PKD1L3: variants seen among roughly 807,000 people sequenced by gnomAD.
The protein encoded by PKD1L3 is polycystin 1 like 3, transient receptor potential channel interacting.
In PKD1L3, 239 loss-of-function variants were observed where a neutral mutation model predicts 184.1. That is an observed-to-expected ratio of 1.30 (90% confidence interval 1.17 to 1.45). The LOEUF (loss-of-function observed/expected upper bound fraction) is 1.45. PKD1L3 is among the 40% of genes most tolerant of loss of function. The probability of loss-of-function intolerance (pLI) is 0.00; values close to 1 mark genes in which losing one functional copy is unlikely to be tolerated. For synonymous variants in PKD1L3, 996 were observed against 778.8 expected, an observed-to-expected ratio of 1.28 and a Z score of -4.64; for missense variants, 2,660 against 2,067.2, an observed-to-expected ratio of 1.29 and a Z score of -5.56.
chr16:71,990,037 C>T (rs552229843), intron 4 of PKD1L3, among the ~76,000 whole-genome samples: 1 of 150,528 alleles, frequency 6.6e-6, no homozygotes, highest in African/African-American at 2.4e-5. Flanking sequence ...ATGGATGGCA[C>T]CATTGCACTC....
chr16:71,999,742 C>T lies in PKD1L3; in HGVS notation c.237G>A (p.Lys79=). The T allele has an allele frequency of 6.4e-7, 1 of 1,551,656 alleles. No individual in the cohort carries two copies. The highest frequency in any genetic ancestry group is 8.7e-7 in the Non-Finnish European group (1 of 1,146,928). ...GCATTACATTTTGCCCAATCCACCACTTCTTTCCTTCTTCCAGATAGTCCC... is the reference window on the plus strand; with the variant it reads ...GCATTACATTTTGCCCAATCCACCATTTCTTTCCTTCTTCCAGATAGTCCC... The part of the protein sequence containing the change: ...LIRDYLEEGK[K]WWIGQNVMPL... The change falls in exon 1 of 30, where the codon AAG becomes AAA. Residue 79 remains lysine, a synonymous_variant. Coordinates refer to ENST00000620267, the MANE Select transcript of PKD1L3 (RefSeq NM_181536.2).
chr16:71,989,447 C>T (rs1328187451), intron 4 of PKD1L3, among the ~76,000 whole-genome samples: 1 of 152,264 alleles, frequency 6.6e-6, no homozygotes, highest in East Asian at 1.9e-4. Context: ...GCCACCGTGC[C>T]CAGCCTCTGT....
intron 4 of PKD1L3, among the ~76,000 whole-genome samples, chr16:71,988,897 TAAC>T (rs1307264577): frequency 6.6e-6 from 1 of 152,212 alleles, no homozygotes; most frequent in South Asian, 2.1e-4. Flanking sequence ...AGCGTTATCT[TAAC>T]AAGTCCTGTG....
At chr16:71,947,619 G>C in intron 21 of PKD1L3, 28 bp from the exon 22 acceptor site, 2 of 1,421,472 alleles carry the variant, frequency 1.4e-6, no homozygotes. Context: ...AGAACATCGT[G>C]AGCAGACATT....
rs577714414 is a variant in PKD1L3 at position 71,983,913 on chromosome 16, T to C, written c.966+123A>G. 15 of 1,320,848 alleles carry C rather than the reference T, an allele frequency of 1.1e-5. No homozygotes were observed. The East Asian group carries it at 3.6e-4, about 31-fold the overall frequency. The allele number at this position is 1,320,848 out of a possible 1,614,324, so 81.8% of individuals were successfully genotyped here. On this transcript the variant is annotated intron_variant, in intron 6 of 29. Coordinates refer to ENST00000620267, the MANE Select transcript of PKD1L3 (RefSeq NM_181536.2). ...CCTGGCCTCATGTGATCCGCCCGCC[T>C]CGGCCTTCTAAAGTGCTGGGATTAC...
intron 16 of PKD1L3, among the ~76,000 whole-genome samples, chr16:71,959,136 G>A (rs2039171260): frequency 6.6e-6 from 1 of 151,062 alleles, no homozygotes; most frequent in Non-Finnish European, 1.5e-5. Context: ...ACTAGGCTGG[G>A]CACGGTGGCC....
chr16:71,993,185 T>A, intron 3 of PKD1L3, 31 bp downstream of exon 3: 2 of 1,428,558 alleles, frequency 1.4e-6, no homozygotes, highest in Non-Finnish European at 1.9e-6. Context: ...TTCCACGGAT[T>A]TTTAAGGTTA....
In PKD1L3 at chr16:71,942,626, G is replaced by T. The variant is rs924740296; in HGVS notation, c.4258C>A (p.Pro1420Thr). The change falls in exon 24 of 30, where the codon CCC becomes ACC. Residue 1420 changes from proline to threonine, a missense_variant. Physicochemically the swap from Pro to Thr is conservative, Grantham distance 38. Coordinates refer to ENST00000620267, the MANE Select transcript of PKD1L3 (RefSeq NM_181536.2). ...ICSPRPMVLI[P>T]TDELHERLTS... The stretch of plus-strand genomic sequence containing the variant: ...AGCCTTTCGTGAAGCTCATCAGTGG[G>T]AATCAGCACCATGGGCCTGGGTGAA... The T allele has an allele frequency of 6.4e-7, 1 of 1,551,682 alleles. No individual in the cohort carries two copies. The highest frequency in any genetic ancestry group is 8.7e-7 in the Non-Finnish European group (1 of 1,147,002).
chr16:71,974,019 T>C (rs113109134), intron 11 of PKD1L3, among the ~76,000 whole-genome samples: 1 of 11,690 alleles, frequency 8.6e-5, no homozygotes, highest in Non-Finnish European at 2.1e-4. Context: ...AAAAAAAATA[T>C]ATATATTCTT....
In PKD1L3 at chr16:71,979,893, G is replaced by C. The variant is rs544403622; in HGVS notation, c.1291C>G (p.Pro431Ala). ...LLSRQNISTL[P>A]LSSYTLGHPA... The stretch of plus-strand genomic sequence containing the variant: ...TGACCCAGAGTGTAAGAGCTCAGCG[G>C]TAAAGTTGATATGTTTTGTCTAATG... The change falls in exon 9 of 30, where the codon CCG becomes GCG. Residue 431 changes from proline (P) to alanine (A), a missense_variant. Pro to Ala is a conservative substitution (Grantham distance 27). Transcript: ENST00000620267. 8 of 1,549,652 alleles carry C rather than the reference G, an allele frequency of 5.2e-6. No individual in the cohort carries two copies. Among genetic ancestry groups the C allele is most frequent in the Non-Finnish European group, 7.0e-6 (8 of 1,146,642 alleles).
chr16:71,977,132 G>C, intron 11 of PKD1L3, 104 bp downstream of exon 11: 1 of 857,490 alleles, frequency 1.2e-6, no homozygotes, highest in Non-Finnish European at 1.9e-6. Context: ...AGGATCCCCT[G>C]AGCCTGACAG....
chr16:71,992,178 C>T (rs529285469), intron 3 of PKD1L3, among the ~76,000 whole-genome samples: 5 of 152,042 alleles, frequency 3.3e-5, no homozygotes, highest in South Asian at 2.1e-4. Context: ...AGATCCAGCC[C>T]GCAAACTTTT....
chr16:71,976,262 G>GTGATTTTTTTTTTTT (rs1567534640), intron 11 of PKD1L3, among the ~76,000 whole-genome samples: 2 of 25,206 alleles, frequency 7.9e-5, no homozygotes, highest in Admixed American at 2.3e-4. Flanking sequence ...TGCCCAGCCT[G>GTGATTTTTTTTTTTT]TCTTTTTTTT....
chr16:71,934,207 G>A (rs1466739765), intron 26 of PKD1L3, 82 bp from the exon 27 acceptor site: 11 of 1,320,384 alleles, frequency 8.3e-6, no homozygotes, highest in Middle Eastern at 1.8e-4. Context: ...GCTGCTGATC[G>A]TGGCAGCCCT....
intron 12 of PKD1L3, among the ~76,000 whole-genome samples, chr16:71,971,284 T>C (rs1351932149): frequency 1.3e-5 from 2 of 152,348 alleles, no homozygotes; most frequent in African/African-American, 4.8e-5. Context: ...TTTTTTATTA[T>C]TCTTTATGGC....
intron 15 of PKD1L3, among the ~76,000 whole-genome samples, chr16:71,965,176 A>G (rs2039454680): frequency 6.6e-6 from 1 of 152,098 alleles, no homozygotes; most frequent in African/African-American, 2.4e-5. Flanking sequence ...AGCTTCTTTC[A>G]CTAAGCATAA....
Position 71,947,344 on chromosome 16 carries a change from A to T in PKD1L3, c.3718+148T>A, listed in dbSNP as rs1039838147. 5.5e-5 allele frequency: 33 copies of T among 597,922 alleles called. No individual in the cohort carries two copies. The Admixed American group carries it at 7.4e-4, about 13-fold the overall frequency. The allele number at this position is 597,922 out of a possible 1,614,324, so 37.0% of individuals were successfully genotyped here. ...GACTGAGGTGAAGATCCTCATCTGGAAGGGCATTAGTCTTGGGCAGAAAAG... is the reference window on the plus strand; with the variant it reads ...GACTGAGGTGAAGATCCTCATCTGGTAGGGCATTAGTCTTGGGCAGAAAAG... On this transcript the variant is annotated intron_variant, in intron 22 of 29. Transcript: ENST00000620267.
intron 24 of PKD1L3, among the ~76,000 whole-genome samples, chr16:71,941,244 GA>G (rs147396305): frequency 6.6e-6 from 1 of 151,494 alleles, no homozygotes; most frequent in African/African-American, 2.4e-5. Flanking sequence ...GGATCAGAAG[GA>G]AAAAAACCAC....
intron 16 of PKD1L3, among the ~76,000 whole-genome samples, chr16:71,962,278 G>A (rs1038159329): frequency 5.9e-5 from 9 of 152,114 alleles, no homozygotes; most frequent in Admixed American, 1.3e-4. Context: ...GGAAAAAGCC[G>A]AGAGCCGTAA....
Sources: gnomAD v4.1 joint callset for allele counts (sites outside exome capture counted in the v4.1 genomes callset) on GRCh38, gnomAD v4.1.1 for gene constraint, MANE v1.5 for transcripts, NCBI Gene and HGNC (gene_info 2026-07-23, HGNC 2026-07-21) for gene names.